Variants in PRKACB observed in about 807,000 individuals in gnomAD.
PRKACB encodes the protein cAMP-dependent protein kinase catalytic subunit beta.
Under a neutral mutation model 51.4 loss-of-function variants are expected in PRKACB, and 16 were observed. That is an observed-to-expected ratio of 0.31 (90% CI 0.21 to 0.47). The LOEUF (loss-of-function observed/expected upper bound fraction) is 0.47, where lower values mean the gene tolerates loss of function less well. Among genes scored for constraint, PRKACB ranks in the 20% least tolerant of loss-of-function variants. The pLI is 1.00. For synonymous variants in PRKACB, 147 were observed against 154.4 expected (o/e 0.95, Z 0.35); for missense variants, 309 against 464.5 (o/e 0.67, Z 3.08).
At chr1:84,233,543 A>G (rs1480879926) in intron 9 of PRKACB, among the ~76,000 whole-genome samples, 1 of 103,432 alleles carries the variant, frequency 9.7e-6, no homozygotes, top group Non-Finnish European at 2.0e-5. Context: ...CATCACTTTC[A>G]GGTACACCAA....
chr1:84,108,142 C>G (rs1271557505), intron 1 of PRKACB, among the ~76,000 whole-genome samples: 1 of 152,088 alleles, frequency 6.6e-6, no homozygotes, highest in Non-Finnish European at 1.5e-5. Flanking sequence ...ACTATGCAGT[C>G]ATGAAAAAGA....
At chr1:84,097,617 C>T (rs977312328) in intron 1 of PRKACB, among the ~76,000 whole-genome samples, 2 of 151,886 alleles carry the variant, frequency 1.3e-5, no homozygotes, top group Admixed American at 6.6e-5. Context: ...GTCATATAAT[C>T]AAGTTGGGGA....
At chr1:84,135,841 C>G (rs370983062) in intron 1 of PRKACB, among the ~76,000 whole-genome samples, 1 of 151,520 alleles carries the variant, frequency 6.6e-6, no homozygotes, top group African/African-American at 2.4e-5. Context: ...ATAAAAAGTT[C>G]TACCTTAGAA....
chr1:84,182,918 C>T (rs1383838373), intron 3 of PRKACB, among the ~76,000 whole-genome samples: 1 of 151,990 alleles, frequency 6.6e-6, no homozygotes, highest in South Asian at 2.1e-4. Flanking sequence ...AGTGATCCAA[C>T]CACTTCATGT....
chr1:84,108,698 A>G (rs955278891), intron 1 of PRKACB, among the ~76,000 whole-genome samples: 2 of 152,080 alleles, frequency 1.3e-5, no homozygotes, highest in Non-Finnish European at 2.9e-5. Context: ...CCAAGATCAC[A>G]TAACTGGGAT....
At chr1:84,185,265 A>C in intron 5 of PRKACB, 83 bp downstream of exon 5, 5 of 1,019,306 alleles carry the variant, frequency 4.9e-6, no homozygotes, top group Middle Eastern at 4.3e-4. Flanking sequence ...AATGCCAAAA[A>C]CTTATTTTGT....
chr1:84,209,252 C>T (rs764727463), intron 8 of PRKACB, among the ~76,000 whole-genome samples: 11 of 152,164 alleles, frequency 7.2e-5, no homozygotes, highest in Non-Finnish European at 1.6e-4. Context: ...CCAGTCCATA[C>T]CTGATTCCCA....
chr1:84,150,668 G>C (rs1262331161), intron 1 of PRKACB, among the ~76,000 whole-genome samples: 1 of 152,080 alleles, frequency 6.6e-6, no homozygotes, highest in Non-Finnish European at 1.5e-5. Context: ...TGACATGCCT[G>C]CTCCCTCTTT....
At chr1:84,134,475 T>C (rs1156434339) in intron 1 of PRKACB, among the ~76,000 whole-genome samples, 1 of 152,158 alleles carries the variant, frequency 6.6e-6, no homozygotes, top group Non-Finnish European at 1.5e-5. Flanking sequence ...GAATACTCTA[T>C]TACAAAGTAC....
chr1:84,080,244 T>C (rs1247296797), intron 1 of PRKACB, among the ~76,000 whole-genome samples: 1 of 152,160 alleles, frequency 6.6e-6, no homozygotes, highest in Admixed American at 6.6e-5. Context: ...TTTTATTAAG[T>C]TACCAAAACA....
chr1:84,105,320 T>C (rs1649649074), intron 1 of PRKACB, among the ~76,000 whole-genome samples: 1 of 152,154 alleles, frequency 6.6e-6, no homozygotes, highest in African/African-American at 2.4e-5. Context: ...CCCCTTGTTA[T>C]GGAGAGAAAC....
intron 5 of PRKACB, among the ~76,000 whole-genome samples, chr1:84,186,863 A>G (rs1486506940): frequency 6.6e-6 from 1 of 152,154 alleles, no homozygotes. Flanking sequence ...GAGTCCAGCC[A>G]GCATCGAGTT....
chr1:84,185,631 C>T (rs1209720027), intron 5 of PRKACB, among the ~76,000 whole-genome samples: 1 of 151,762 alleles, frequency 6.6e-6, no homozygotes, highest in Non-Finnish European at 1.5e-5. Flanking sequence ...ATTTAATTCT[C>T]CTTAAAGTTC....
chr1:84,203,755 A>G (rs1242380097), intron 8 of PRKACB, among the ~76,000 whole-genome samples: 1 of 151,970 alleles, frequency 6.6e-6, no homozygotes, highest in Non-Finnish European at 1.5e-5. Flanking sequence ...TAGAGCATCA[A>G]TCTTTATCAC....
At chr1:84,106,054 T>C (rs1199799516) in intron 1 of PRKACB, among the ~76,000 whole-genome samples, 1 of 152,170 alleles carries the variant, frequency 6.6e-6, no homozygotes, top group African/African-American at 2.4e-5. Flanking sequence ...ATCTAGAGAT[T>C]ATTTAAAGTA....
chr1:84,166,041 A>C (rs1315439738), intron 1 of PRKACB, among the ~76,000 whole-genome samples: 1 of 151,710 alleles, frequency 6.6e-6, no homozygotes, highest in Non-Finnish European at 1.5e-5. Flanking sequence ...CATTATAACC[A>C]ATAAATATTC....
intron 9 of PRKACB, among the ~76,000 whole-genome samples, chr1:84,221,415 TTGTA>T (rs369243061): frequency 6.6e-4 from 101 of 152,120 alleles, no homozygotes; most frequent in African/African-American, 2.3e-3. Flanking sequence ...TTATGATCCT[TTGTA>T]TGTTTTTTCT....
At chr1:84,203,788 T>C (rs1670809940) in intron 8 of PRKACB, among the ~76,000 whole-genome samples, 1 of 151,822 alleles carries the variant, frequency 6.6e-6, no homozygotes, top group South Asian at 2.1e-4. Flanking sequence ...TGTTATAGAG[T>C]TGAGGTTTTT....
At chr1:84,179,151 A>G in intron 1 of PRKACB, 26 bp from the exon 2 acceptor site, 1 of 1,560,898 alleles carries the variant, frequency 6.4e-7, no homozygotes. Context: ...TACAAGATAA[A>G]TTTGTTTTTA....
Sources: allele counts gnomAD v4.1 joint callset (sites outside exome capture counted in the v4.1 genomes callset), GRCh38; gene constraint gnomAD v4.1.1; transcripts MANE v1.5; gene names NCBI Gene and HGNC (gene_info 2026-07-23, HGNC 2026-07-21).